PTPRE: variants seen among roughly 807,000 people sequenced by gnomAD.
The protein encoded by PTPRE is receptor-type tyrosine-protein phosphatase epsilon.
In PTPRE, 51 loss-of-function variants were observed where a neutral mutation model predicts 102.0. That is an observed-to-expected ratio of 0.50 (90% CI 0.40 to 0.63). The LOEUF (loss-of-function observed/expected upper bound fraction) is 0.63, where lower values mean the gene tolerates loss of function less well. Among genes scored for constraint, PTPRE ranks in the 30% least tolerant of loss-of-function variants. PTPRE has a pLI of 0.00. For missense variants in PTPRE, 752 were observed against 915.1 expected, an observed-to-expected ratio of 0.82 and a Z score of 2.30; for synonymous variants, 345 against 348.2, an observed-to-expected ratio of 0.99 and a Z score of 0.10.
At chr10:128,040,084 C>G (rs1239944061) in intron 2 of PTPRE, among the ~76,000 whole-genome samples, 1 of 152,204 alleles carries the variant, frequency 6.6e-6, no homozygotes, top group Non-Finnish European at 1.5e-5. Context: ...CAATAAATAC[C>G]TGCATCCCAG....
chr10:127,970,631 G>A lies in PTPRE; in HGVS notation c.-30-11643G>A, dbSNP rs1040828833. Reference sequence around the variant, plus strand: ...GAGCCACCGATGAAATGATGCCTACGAACCTCCTACAAAACTCCTGTTTTA... The same window carrying A: ...GAGCCACCGATGAAATGATGCCTACAAACCTCCTACAAAACTCCTGTTTTA... On this transcript the variant is annotated intron_variant, in intron 1 of 20. Transcript: ENST00000254667. 1.3e-4 allele frequency among the ~76,000 whole-genome samples: 19 copies of A among 151,752 alleles called. 1 individual carries two copies. Among genetic ancestry groups the A allele is most frequent in the Admixed American group, 6.6e-4 (10 of 15,222 alleles).
chr10:127,943,188 C>T (rs1848373141), intron 1 of PTPRE, among the ~76,000 whole-genome samples: 1 of 152,202 alleles, frequency 6.6e-6, no homozygotes, highest in Non-Finnish European at 1.5e-5. Flanking sequence ...GTAAAAAGTG[C>T]TCTTGTCGAT....
intron 1 of PTPRE, among the ~76,000 whole-genome samples, chr10:127,966,475 G>A (rs1850261299): frequency 1.3e-5 from 2 of 152,134 alleles, no homozygotes; most frequent in Non-Finnish European, 2.9e-5. Context: ...TGTGATATGT[G>A]GCAGACACCA....
intron 2 of PTPRE, among the ~76,000 whole-genome samples, chr10:127,985,636 CTTA>C (rs1451241053): frequency 6.6e-6 from 1 of 152,096 alleles, no homozygotes; most frequent in African/African-American, 2.4e-5. Context: ...CACTGCTACT[CTTA>C]TTATGATCAT....
chr10:127,998,209 A>G (rs1045001804), intron 2 of PTPRE: 1 of 152,244 alleles, frequency 6.6e-6, no homozygotes, highest in Non-Finnish European at 1.5e-5. Context: ...TTCCTTATCA[A>G]CAGAAAATGA....
intron 3 of PTPRE, among the ~76,000 whole-genome samples, chr10:128,046,474 C>T (rs1208137748): frequency 6.6e-6 from 1 of 152,248 alleles, no homozygotes; most frequent in Non-Finnish European, 1.5e-5. Context: ...ATGCTGAGGC[C>T]TGTTCACTCA....
intron 6 of PTPRE, among the ~76,000 whole-genome samples, chr10:128,055,700 G>T (rs116149218): frequency 7.2e-5 from 11 of 152,094 alleles, no homozygotes; most frequent in Non-Finnish European, 1.6e-4. Flanking sequence ...ACAGCATCCC[G>T]CTGTAAACCC....
At chr10:127,917,694 G>T (rs1342613693) in intron 1 of PTPRE, among the ~76,000 whole-genome samples, 1 of 151,976 alleles carries the variant, frequency 6.6e-6, no homozygotes, top group African/African-American at 2.4e-5. Context: ...TGAAAATTGG[G>T]TTACACTGTA....
chr10:127,984,042 T>C (rs1328631302), intron 2 of PTPRE, among the ~76,000 whole-genome samples: 1 of 151,058 alleles, frequency 6.6e-6, no homozygotes, highest in African/African-American at 2.4e-5. Context: ...TCCCTTTTCC[T>C]GGCCCCACCC....
chr10:128,013,117 GTGC>G (rs1845147159), intron 2 of PTPRE, among the ~76,000 whole-genome samples: 1 of 152,086 alleles, frequency 6.6e-6, no homozygotes, highest in South Asian at 2.1e-4. Context: ...GGTTACTGCT[GTGC>G]TGCATTATAA....
chr10:127,918,674 G>A (rs1445286236), intron 1 of PTPRE, among the ~76,000 whole-genome samples: 1 of 152,186 alleles, frequency 6.6e-6, no homozygotes, highest in Non-Finnish European at 1.5e-5. Context: ...CCCAGGGCTG[G>A]CTTCATGGCT....
At chr10:128,040,417 G>A (rs1347258667) in intron 2 of PTPRE, among the ~76,000 whole-genome samples, 2 of 152,182 alleles carry the variant, frequency 1.3e-5, no homozygotes, top group Non-Finnish European at 2.9e-5. Flanking sequence ...GAAAAGCAGT[G>A]TCTTGCTGGG....
Position 128,068,110 on chromosome 10 carries a change from G to C in PTPRE, c.844-13G>C. ...TTGTTTCACCCACTCTTGTCTCCCCGCGTCCCCCGCAGCAGCTCCCCGACG... is the reference window on the plus strand; with the variant it reads ...TTGTTTCACCCACTCTTGTCTCCCCCCGTCCCCCGCAGCAGCTCCCCGACG... On this transcript the variant is annotated splice_polypyrimidine_tract_variant and intron_variant, in intron 11 of 20. Transcript: ENST00000254667. The C allele has an allele frequency of 1.9e-6, 3 of 1,608,396 alleles. No individual in the cohort carries two copies. Among genetic ancestry groups the C allele is most frequent in the Non-Finnish European group, 2.5e-6 (3 of 1,176,890 alleles).
chr10:127,972,949 G>A (rs373298625), intron 1 of PTPRE, among the ~76,000 whole-genome samples: 50 of 152,270 alleles, frequency 3.3e-4, no homozygotes, highest in Middle Eastern at 3.4e-3. Context: ...CATACACTTT[G>A]GGATGATTCC....
At chr10:127,969,714 T>G (rs1850562912) in intron 1 of PTPRE, among the ~76,000 whole-genome samples, 1 of 151,378 alleles carries the variant, frequency 6.6e-6, no homozygotes. Flanking sequence ...GACATGAGCT[T>G]TGTGTGTGTT....
chr10:127,972,933 C>T (rs749006903), intron 1 of PTPRE, among the ~76,000 whole-genome samples: 3 of 152,112 alleles, frequency 2.0e-5, no homozygotes, highest in Non-Finnish European at 1.5e-5. Flanking sequence ...TGCAGCGGCT[C>T]GAGCACATAC....
At chr10:128,034,276 T>C (rs776715908) in intron 2 of PTPRE, among the ~76,000 whole-genome samples, 3 of 152,010 alleles carry the variant, frequency 2.0e-5, no homozygotes, top group Non-Finnish European at 4.4e-5. Flanking sequence ...GGAAATATAT[T>C]ATGGGAGGAT....
intron 1 of PTPRE, among the ~76,000 whole-genome samples, chr10:127,952,146 G>A (rs1016132674): frequency 3.9e-5 from 6 of 152,210 alleles, no homozygotes; most frequent in Non-Finnish European, 7.4e-5. Context: ...CAGGAATCTT[G>A]ATCACTTTTC....
intron 20 of PTPRE, among the ~76,000 whole-genome samples, chr10:128,081,930 G>A (rs148043136): frequency 1.3e-5 from 2 of 152,316 alleles, no homozygotes; most frequent in African/African-American, 4.8e-5. Context: ...GTGCTGAGAA[G>A]AGCCCAAGTG....
Sources: gnomAD v4.1 joint callset for allele counts (sites outside exome capture counted in the v4.1 genomes callset) on GRCh38, gnomAD v4.1.1 for gene constraint, MANE v1.5 for transcripts, NCBI Gene and HGNC (gene_info 2026-07-23, HGNC 2026-07-21) for gene names.